Variants in RIMBP2 observed in about 807,000 individuals in gnomAD.
RIMBP2 encodes RIMS-binding protein 2.
In RIMBP2, 48 loss-of-function variants were observed where a neutral mutation model predicts 118.6. The observed-to-expected ratio is 0.40, with a 90% CI of 0.32 to 0.51. The LOEUF (loss-of-function observed/expected upper bound fraction) is 0.51. Among genes scored for constraint, RIMBP2 ranks in the 20% least tolerant of loss-of-function variants. RIMBP2 has a pLI of 0.41. For missense variants in RIMBP2, 1,551 were observed against 1,768.3 expected, an observed-to-expected ratio of 0.88 and a Z score of 2.20; for synonymous variants, 762 against 742.9, an observed-to-expected ratio of 1.03 and a Z score of -0.42.
chr12:130,437,207 C>T lies in RIMBP2; in HGVS notation c.1741G>A (p.Val581Met), dbSNP rs746841816. Residue 581 changes from valine (V) to methionine (M), a missense_variant, in exon 13 of 23, where the codon GTG (valine) becomes ATG (methionine). Coordinates refer to ENST00000690449, the MANE Select transcript of RIMBP2 (RefSeq NM_001393629.1). ...LRSLEAKGVT[V>M]RTLSAQGESV... Reference sequence around the variant, plus strand: ...TCGCCCTGGGCGGAGAGGGTCCGCACGGTCACGCCCTTGGCCTCCAGGCTC... The same window carrying T: ...TCGCCCTGGGCGGAGAGGGTCCGCATGGTCACGCCCTTGGCCTCCAGGCTC... 24 of 1,584,568 alleles carry T rather than the reference C, an allele frequency of 1.5e-5. No individual in the cohort carries two copies. Among genetic ancestry groups the T allele is most frequent in the East Asian group, 2.3e-5 (1 of 43,552 alleles).
At chr12:130,603,146 T>C (rs760617927) in intron 2 of RIMBP2, among the ~76,000 whole-genome samples, 1 of 152,166 alleles carries the variant, frequency 6.6e-6, no homozygotes, top group Non-Finnish European at 1.5e-5. Flanking sequence ...AACATGGCCA[T>C]CACTAGCCAT....
In RIMBP2 at chr12:130,620,054, T is replaced by C. The variant is rs1358540526; in HGVS notation, c.-217+8268A>G. On this transcript the variant is annotated intron_variant, in intron 2 of 22. Coordinates refer to ENST00000690449, the MANE Select transcript of RIMBP2 (RefSeq NM_001393629.1). This position sits in a 1 kb window ranked among gnomAD's most constrained non-coding sequence, Gnocchi z 5.3. ...GACTTGATGTCGAGAAAGAGGCTCC[T>C]GGACCCCTGCGGCAACCGGTTGAAA... Among the ~76,000 whole-genome samples the C allele has an allele frequency of 3.9e-5, 6 of 152,160 alleles. No individual in the cohort carries two copies. The highest frequency in any genetic ancestry group is 8.8e-5 in the Non-Finnish European group (6 of 68,024).
intron 2 of RIMBP2, among the ~76,000 whole-genome samples, chr12:130,552,102 A>T (rs1178510815): frequency 6.6e-6 from 1 of 152,252 alleles, no homozygotes; most frequent in African/African-American, 2.4e-5. Context: ...TGCATTCGCT[A>T]GTATGATGCT....
rs768604754 is a variant in RIMBP2 at position 130,621,758 on chromosome 12, C to G, written c.-217+6564G>C. Among the ~76,000 whole-genome samples the G allele has an allele frequency of 1.3e-5, 2 of 152,110 alleles. No individual in the cohort carries two copies. The highest frequency in any genetic ancestry group is 2.9e-5 in the Non-Finnish European group (2 of 68,016). ...CTGGGTACCATAGCTGGAAGTGTGA[C>G]TATTTCCTCGACATTTCCAAAACTC... On this transcript the variant is annotated intron_variant, in intron 2 of 22. Transcript: ENST00000690449. The surrounding 1 kb of genome is among the most constrained non-coding windows in gnomAD (Gnocchi z 6.6).
intron 4 of RIMBP2, among the ~76,000 whole-genome samples, chr12:130,497,525 G>A (rs1049581634): frequency 3.9e-5 from 6 of 152,166 alleles, no homozygotes; most frequent in African/African-American, 1.2e-4. Context: ...TGGGAGAAGG[G>A]GCTGGAGAGA....
In RIMBP2 at chr12:130,576,948, G is replaced by A. The variant is rs1406346004; in HGVS notation, c.-217+51374C>T. Among the ~76,000 whole-genome samples, 2 of 152,208 alleles carry A rather than the reference G, an allele frequency of 1.3e-5. No individual in the cohort carries two copies. The highest frequency in any genetic ancestry group is 2.9e-5 in the Non-Finnish European group (2 of 68,042). ...GACAGAGATGGGGACAAAGAGAAGC[G>A]AAGGGGATGGCCCAGACCTTCACAG... On this transcript the variant is annotated intron_variant, in intron 2 of 22. Transcript: ENST00000690449. This position sits in a 1 kb window ranked among gnomAD's most constrained non-coding sequence, Gnocchi z 4.2.
At chr12:130,435,892 G>A (rs767168277) in intron 13 of RIMBP2, among the ~76,000 whole-genome samples, 23 of 152,166 alleles carry the variant, frequency 1.5e-4, no homozygotes, top group Non-Finnish European at 2.9e-4. Flanking sequence ...CACCTGAGCT[G>A]CTCAGCATTG....
At position 130,470,739 on chromosome 12, in the gene RIMBP2, T is replaced by C. The variant is rs543170210; in HGVS notation, c.107A>G (p.Gln36Arg). The change falls in exon 6 of 23, where the codon CAG (glutamine) becomes CGG (arginine). Residue 36 changes from glutamine to arginine, a missense_variant. Physicochemically the swap from Gln to Arg is conservative, Grantham distance 43. This residue lies in a region of RIMBP2 where 239 missense variants were observed against 256.8 expected (regional missense o/e 0.93). Coordinates refer to ENST00000690449, the MANE Select transcript of RIMBP2 (RefSeq NM_001393629.1). ...TTCATGCTCCTTCTTAGCCTCAACC[T>C]GAGCCTTTTTTATGATGAAAAGAGA... Reference protein sequence around the residue: ...QQEIDLLQKAQVEAKKEHEGA... With the variant: ...QQEIDLLQKARVEAKKEHEGA... 2 of 1,231,622 alleles carry C rather than the reference T, an allele frequency of 1.6e-6. No individual in the cohort carries two copies. The highest frequency in any genetic ancestry group is 3.1e-5 in the African/African-American group (2 of 64,530). 76.3% of individuals were successfully genotyped at this position (1,231,622 alleles called of 1,614,324 possible).
At chr12:130,506,902 T>C (rs1308156757) in intron 3 of RIMBP2, 132 bp from the exon 4 acceptor site, 1 of 681,034 alleles carries the variant, frequency 1.5e-6, no homozygotes, top group Non-Finnish European at 1.8e-6. Flanking sequence ...TTCTCCATCA[T>C]GGACTGGGTC....
chr12:130,515,361 C>T (rs766349542), intron 3 of RIMBP2, among the ~76,000 whole-genome samples: 1 of 152,166 alleles, frequency 6.6e-6, no homozygotes, highest in Non-Finnish European at 1.5e-5. Flanking sequence ...CTTCATTAAA[C>T]AGCATCTCCC....
chr12:130,424,368 C>T lies in RIMBP2; in HGVS notation c.2903G>A (p.Ser968Asn). 1 of 1,232,752 alleles carries T rather than the reference C, an allele frequency of 8.1e-7. No homozygotes were observed. Among genetic ancestry groups the T allele is most frequent in the Non-Finnish European group, 1.0e-6 (1 of 988,218 alleles). 76.4% of individuals were successfully genotyped at this position (1,232,752 alleles called of 1,614,324 possible). A position where few individuals can be genotyped will look rare whatever the true frequency, so the allele number is the denominator to read the frequency against. ...LARRRTLTRQ[S>N]SVEEDFGEQV... ...CTCCCCAAAGTCCTCCTCCACGCTGCTCTGCCGGGTCAGCGTCCGCCGCCG... is the reference window on the plus strand; with the variant it reads ...CTCCCCAAAGTCCTCCTCCACGCTGTTCTGCCGGGTCAGCGTCCGCCGCCG... Residue 968 changes from serine (S) to asparagine (N), a missense_variant, in exon 16 of 23, where the codon AGC (serine) becomes AAC (asparagine). Ser to Asn is a conservative substitution (Grantham distance 46). This residue lies in a region of RIMBP2 where 1,038 missense variants were observed against 1,125.1 expected (regional missense o/e 0.92). Transcript: ENST00000690449. This position sits in a 1 kb window ranked among gnomAD's most constrained non-coding sequence, Gnocchi z 9.8.
chr12:130,428,322 CA>C lies in RIMBP2; in HGVS notation c.2268del (p.His756GlnfsTer82). On this transcript the variant is annotated frameshift_variant, in exon 15 of 23. Transcript: ENST00000690449. LOFTEE classifies it high-confidence loss of function. Reference sequence around the variant, plus strand: ...CTGCTCTCTGTGTGGTACTCGTCTCCATGGCAACAGTGCGGCTGGGGGCCAA... The same window carrying C: ...CTGCTCTCTGTGTGGTACTCGTCTCCTGGCAACAGTGCGGCTGGGGGCCAA... ...SELGKQPHCC[H>X]GDEYHTESSR... The C allele has an allele frequency of 6.2e-7, 1 of 1,609,796 alleles. No homozygotes were observed. The highest frequency in any genetic ancestry group is 8.5e-7 in the Non-Finnish European group (1 of 1,177,868).
chr12:130,601,934 G>A (rs11613425), intron 2 of RIMBP2, among the ~76,000 whole-genome samples: 100,795 of 152,144 alleles, frequency 0.66, 33,572 homozygotes, highest in South Asian at 0.81. Context: ...AGGAATAAAG[G>A]GACAGCTCCT....
chr12:130,589,566 C>A (rs1363190925), intron 2 of RIMBP2, among the ~76,000 whole-genome samples: 1 of 152,124 alleles, frequency 6.6e-6, no homozygotes, highest in Non-Finnish European at 1.5e-5. Context: ...TGAAACTCCA[C>A]CAAATGACTG....
chr12:130,521,533 T>C (rs1020597190), intron 2 of RIMBP2, among the ~76,000 whole-genome samples: 2 of 152,214 alleles, frequency 1.3e-5, no homozygotes, highest in African/African-American at 2.4e-5. Flanking sequence ...AACGCACGCG[T>C]GGTCCCACAC....
At chr12:130,701,642 C>A (rs1471983870) in intron 1 of RIMBP2, among the ~76,000 whole-genome samples, 2 of 152,144 alleles carry the variant, frequency 1.3e-5, no homozygotes, top group Non-Finnish European at 2.9e-5. Flanking sequence ...CCGACTGTAG[C>A]ACCTGATGCT....
intron 2 of RIMBP2, among the ~76,000 whole-genome samples, chr12:130,592,682 C>CAA (rs10676690): frequency 0.092 from 13,306 of 144,034 alleles, 735 homozygotes; most frequent in East Asian, 0.23. Context: ...GAGACTCTGT[C>CAA]AAAAAAAAAA....
At chr12:130,641,233 G>T (rs12311199) in intron 1 of RIMBP2, among the ~76,000 whole-genome samples, 2 of 135,530 alleles carry the variant, frequency 1.5e-5, no homozygotes, top group East Asian at 4.4e-4. Context: ...AAGCTAAATC[G>T]TGAGCCCTGA....
intron 14 of RIMBP2, chr12:130,429,454 G>A (rs1201154036): frequency 2.6e-5 from 4 of 152,210 alleles, no homozygotes; most frequent in African/African-American, 9.6e-5. Flanking sequence ...ACCTAGTCAC[G>A]TGGTAACGGT....
Sources: allele counts gnomAD v4.1 joint callset (sites outside exome capture counted in the v4.1 genomes callset), GRCh38; gene constraint gnomAD v4.1.1; regional missense constraint gnomAD v4.1.1; non-coding constraint Gnocchi (gnomAD v3.1); transcripts MANE v1.5; gene names NCBI Gene and HGNC (gene_info 2026-07-23, HGNC 2026-07-21).